GSG1L: variants seen among roughly 807,000 people sequenced by gnomAD.
GSG1L encodes germ cell-specific gene 1-like protein.
In GSG1L, 24 loss-of-function variants were observed where a neutral mutation model predicts 42.1. That is an observed-to-expected ratio of 0.57 (90% CI 0.41 to 0.80). The LOEUF is 0.80. Ranked by LOEUF, GSG1L falls within the 30% of genes least tolerant of loss-of-function variation. GSG1L has a pLI of 0.00. For missense variants in GSG1L, 445 were observed against 472.2 expected (o/e 0.94, Z 0.53); for synonymous variants, 215 against 203.5 (o/e 1.06, Z -0.48).
intron 3 of GSG1L, among the ~76,000 whole-genome samples, chr16:27,871,174 G>C (rs868292689): frequency 6.6e-6 from 1 of 152,096 alleles, no homozygotes; most frequent in African/African-American, 2.4e-5. Context: ...CCGAGTTGTC[G>C]TGACTTGGGG....
At chr16:27,893,032 G>A (rs1013363813) in intron 2 of GSG1L, among the ~76,000 whole-genome samples, 2 of 152,070 alleles carry the variant, frequency 1.3e-5, no homozygotes, top group Non-Finnish European at 2.9e-5. Flanking sequence ...GCAGAGCCTC[G>A]CCTTAGTGAT....
chr16:27,898,520 GTTTGC>G (rs1459958554), intron 2 of GSG1L, among the ~76,000 whole-genome samples: 1 of 151,512 alleles, frequency 6.6e-6, no homozygotes, highest in East Asian at 1.9e-4. Context: ...TTTGTTTACT[GTTTGC>G]TTTGTTCCCT....
At chr16:27,893,972 C>G (rs1416652722) in intron 2 of GSG1L, among the ~76,000 whole-genome samples, 1 of 152,224 alleles carries the variant, frequency 6.6e-6, no homozygotes, top group Non-Finnish European at 1.5e-5. Flanking sequence ...AGGCTGGTCT[C>G]AAACTCCTGG....
chr16:27,909,901 C>A (rs942406625), intron 2 of GSG1L, among the ~76,000 whole-genome samples: 11 of 151,052 alleles, frequency 7.3e-5, no homozygotes, highest in Non-Finnish European at 1.5e-4. Context: ...TTCGGGGAAG[C>A]AATGTAACTT....
At chr16:27,978,056 T>C (rs954372409) in intron 1 of GSG1L, among the ~76,000 whole-genome samples, 3 of 152,168 alleles carry the variant, frequency 2.0e-5, no homozygotes, top group South Asian at 4.1e-4. Flanking sequence ...CACTCAGAAA[T>C]TGCCCTCAGT....
At chr16:27,983,200 C>A (rs765078843) in intron 1 of GSG1L, among the ~76,000 whole-genome samples, 1 of 151,944 alleles carries the variant, frequency 6.6e-6, no homozygotes, top group Middle Eastern at 3.4e-3. Flanking sequence ...CTGGGCATGG[C>A]GGTGCATGCC....
chr16:27,792,879 C>A (rs1196804837), intron 6 of GSG1L, among the ~76,000 whole-genome samples: 1 of 152,134 alleles, frequency 6.6e-6, no homozygotes, highest in Admixed American at 6.5e-5. Context: ...GGTAGTTCTG[C>A]CCATTTTACA....
At chr16:27,847,121 T>C (rs2083453326) in intron 3 of GSG1L, among the ~76,000 whole-genome samples, 1 of 152,194 alleles carries the variant, frequency 6.6e-6, no homozygotes, top group Non-Finnish European at 1.5e-5. Flanking sequence ...TTACTGCACC[T>C]CCTGAATTAG....
chr16:27,990,978 A>G (rs998227676), intron 1 of GSG1L, among the ~76,000 whole-genome samples: 2 of 152,266 alleles, frequency 1.3e-5, no homozygotes, highest in African/African-American at 4.8e-5. Context: ...GCCAACTTAA[A>G]AAGAGTCTAT....
chr16:27,873,905 A>G (rs535435860), intron 3 of GSG1L, among the ~76,000 whole-genome samples: 173 of 152,334 alleles, frequency 1.1e-3, no homozygotes, highest in African/African-American at 3.8e-3. Context: ...ATAGAGGGCC[A>G]AGCTAAGCAG....
chr16:27,937,208 T>A (rs368501815), intron 2 of GSG1L, among the ~76,000 whole-genome samples: 50 of 152,004 alleles, frequency 3.3e-4, no homozygotes, highest in African/African-American at 5.8e-4. Context: ...AATTTTGAAC[T>A]GTTGAGAAGC....
intron 2 of GSG1L, among the ~76,000 whole-genome samples, chr16:27,923,708 T>G: frequency 7.6e-6 from 1 of 132,448 alleles, no homozygotes; most frequent in African/African-American, 2.9e-5. Context: ...CACTCCAGCC[T>G]GGGCAACAGA....
chr16:27,995,225 A>G (rs1305652223), intron 1 of GSG1L, among the ~76,000 whole-genome samples: 1 of 152,236 alleles, frequency 6.6e-6, no homozygotes, highest in Non-Finnish European at 1.5e-5. Flanking sequence ...GTTCAAGTGT[A>G]AAGGCAGCAG....
intron 5 of GSG1L, among the ~76,000 whole-genome samples, chr16:27,808,322 A>T (rs986611357): frequency 2.0e-5 from 3 of 152,010 alleles, no homozygotes; most frequent in Non-Finnish European, 4.4e-5. Context: ...CCTGGCTTCA[A>T]GGGATCCTCC....
intron 3 of GSG1L, among the ~76,000 whole-genome samples, chr16:27,847,810 A>T (rs2083460962): frequency 6.6e-6 from 1 of 152,158 alleles, no homozygotes; most frequent in South Asian, 2.1e-4. Context: ...GCCATGTAAG[A>T]CATGCCTGCT....
At chr16:27,937,028 C>T (rs993419860) in intron 2 of GSG1L, among the ~76,000 whole-genome samples, 2 of 152,192 alleles carry the variant, frequency 1.3e-5, no homozygotes, top group African/African-American at 2.4e-5. Flanking sequence ...ACTTGCCCGT[C>T]CTGACAATAA....
chr16:27,894,928 G>C (rs998483907), intron 2 of GSG1L, among the ~76,000 whole-genome samples: 2 of 152,128 alleles, frequency 1.3e-5, no homozygotes, highest in African/African-American at 4.8e-5. Flanking sequence ...ATTGAGGTTC[G>C]AGGGGGAAAG....
chr16:27,964,993 T>C (rs1459571457), intron 1 of GSG1L, among the ~76,000 whole-genome samples: 1 of 152,180 alleles, frequency 6.6e-6, no homozygotes, highest in Admixed American at 6.5e-5. Flanking sequence ...ACACCTACTA[T>C]GTACCCACAA....
At chr16:27,871,138 T>A (rs2083814980) in intron 3 of GSG1L, among the ~76,000 whole-genome samples, 1 of 152,146 alleles carries the variant, frequency 6.6e-6, no homozygotes, top group South Asian at 2.1e-4. Flanking sequence ...GGAGTCACTG[T>A]CTCTGAACAT....
Sources: gnomAD v4.1 joint callset for allele counts (sites outside exome capture counted in the v4.1 genomes callset) on GRCh38, gnomAD v4.1.1 for gene constraint, MANE v1.5 for transcripts, NCBI Gene and HGNC (gene_info 2026-07-23, HGNC 2026-07-21) for gene names.